The following PCSK5 variants were observed in gnomAD, a reference collection of about 807,000 sequenced individuals.
The protein encoded by PCSK5 is prohormone convertase 5.
In PCSK5, 129 loss-of-function variants were observed where a neutral mutation model predicts 233.2. The ratio of observed to expected loss-of-function variants is 0.55; its 90% CI spans 0.48 to 0.64. The LOEUF (loss-of-function observed/expected upper bound fraction) is 0.64. Ranked by LOEUF, PCSK5 falls within the 30% of genes least tolerant of loss-of-function variation. The pLI is 0.00. For missense variants in PCSK5, 2,076 were observed against 2,430.1 expected, an observed-to-expected ratio of 0.85 and a Z score of 3.06; for synonymous variants, 825 against 879.2, an observed-to-expected ratio of 0.94 and a Z score of 1.09.
chr9:76,163,613 C>T (rs566507968), intron 12 of PCSK5, among the ~76,000 whole-genome samples: 35 of 148,876 alleles, frequency 2.4e-4, no homozygotes, highest in Admixed American at 8.7e-4. Flanking sequence ...CCCTGCCTAA[C>T]AAAAAGGCAA....
chr9:76,197,916 G>T lies in PCSK5; in HGVS notation c.2626+8170G>T, dbSNP rs181806469. ...TCACACAGAATACTTTAGAGCCTTT[G>T]ACATATTTAGCAGGGCATAGCCAAG... On this transcript the variant is annotated intron_variant, in intron 20 of 37. Coordinates refer to ENST00000674117, the MANE Select transcript of PCSK5 (RefSeq NM_001372043.1). Among the ~76,000 whole-genome samples the T allele has an allele frequency of 2.4e-4, 36 of 152,334 alleles. 1 individual carries two copies. The East Asian group carries it at 6.7e-3, about 29-fold the overall frequency.
chr9:76,345,520 G>T (rs1031719609), intron 35 of PCSK5, among the ~76,000 whole-genome samples: 18 of 152,266 alleles, frequency 1.2e-4, no homozygotes, highest in African/African-American at 3.6e-4. Flanking sequence ...CCGGGTTCAC[G>T]CTATTCTCCT....
At position 76,332,322 on chromosome 9, in the gene PCSK5, A is replaced by T. The variant is rs1829559392; in HGVS notation, c.4571-111A>T. 8.5e-6 allele frequency: 6 copies of T among 704,886 alleles called. No homozygotes were observed. In the African/African-American group the frequency reaches 1.1e-4, roughly 12 times the overall value. The allele number at this position is 704,886 out of a possible 1,614,324, so 43.7% of individuals were successfully genotyped here. On this transcript the variant is annotated intron_variant, in intron 33 of 37. Transcript: ENST00000674117. ...ATCCATCAGCTCACAGGATCATCCCATTCCTCCTGCAGCCCTCTCCTCCCT... is the reference window on the plus strand; with the variant it reads ...ATCCATCAGCTCACAGGATCATCCCTTTCCTCCTGCAGCCCTCTCCTCCCT...
intron 20 of PCSK5, among the ~76,000 whole-genome samples, chr9:76,221,983 G>C (rs963757068): frequency 3.9e-5 from 6 of 152,176 alleles, no homozygotes; most frequent in Non-Finnish European, 8.8e-5. Context: ...GAGAGAATGG[G>C]ATAGAGAAGA....
At chr9:75,962,196 G>T (rs1399468100) in intron 2 of PCSK5, among the ~76,000 whole-genome samples, 3 of 152,164 alleles carry the variant, frequency 2.0e-5, no homozygotes, top group African/African-American at 7.2e-5. Context: ...GGATTGGGAG[G>T]AGCTGGGAAG....
intron 24 of PCSK5, among the ~76,000 whole-genome samples, chr9:76,278,497 C>T (rs146679430): frequency 1.3e-5 from 2 of 150,876 alleles, no homozygotes; most frequent in Non-Finnish European, 2.9e-5. Context: ...ATACATGACC[C>T]AAATGATGTC....
At chr9:76,054,190 T>A (rs1829740527) in intron 5 of PCSK5, among the ~76,000 whole-genome samples, 1 of 152,156 alleles carries the variant, frequency 6.6e-6, no homozygotes, top group Non-Finnish European at 1.5e-5. Flanking sequence ...CCTCCGAGGA[T>A]GCATGGGGAT....
intron 9 of PCSK5, among the ~76,000 whole-genome samples, chr9:76,108,547 G>A (rs1832074780): frequency 6.6e-6 from 1 of 152,212 alleles, no homozygotes; most frequent in Non-Finnish European, 1.5e-5. Context: ...GAGGTCAAGA[G>A]ATCGAGACTA....
chr9:75,891,921 G>C (rs1825624162), intron 1 of PCSK5, among the ~76,000 whole-genome samples: 2 of 152,108 alleles, frequency 1.3e-5, no homozygotes, highest in African/African-American at 4.8e-5. Context: ...AGCTGGAAGG[G>C]AGGAGAAAGG....
chr9:76,000,261 T>A (rs895442290), intron 3 of PCSK5, among the ~76,000 whole-genome samples: 1 of 152,346 alleles, frequency 6.6e-6, no homozygotes, highest in South Asian at 2.1e-4. Context: ...ATTTTGCAAG[T>A]TCTATCCCTG....
At chr9:76,313,738 G>A (rs185565692) in intron 30 of PCSK5, among the ~76,000 whole-genome samples, 182 of 152,216 alleles carry the variant, frequency 1.2e-3, no homozygotes, top group Non-Finnish European at 1.0e-4. Context: ...TTTTGACTTA[G>A]CATAATGTTT....
chr9:76,278,463 T>C (rs1214770247), intron 24 of PCSK5, among the ~76,000 whole-genome samples: 1 of 151,434 alleles, frequency 6.6e-6, no homozygotes, highest in Non-Finnish European at 1.5e-5. Flanking sequence ...TCATGGGAGA[T>C]CTGTGGGAGG....
chr9:76,285,364 C>T (rs4298543), intron 24 of PCSK5, among the ~76,000 whole-genome samples: 2 of 152,066 alleles, frequency 1.3e-5, no homozygotes, highest in African/African-American at 4.8e-5. Context: ...CAGATGTAGC[C>T]TAAGAGAGTC....
intron 20 of PCSK5, among the ~76,000 whole-genome samples, chr9:76,216,868 C>T (rs1051217748): frequency 3.9e-5 from 6 of 152,072 alleles, no homozygotes; most frequent in Admixed American, 6.5e-5. Flanking sequence ...TTTGAGATGG[C>T]GTCTCGCTGT....
intron 3 of PCSK5, among the ~76,000 whole-genome samples, chr9:76,018,277 A>T (rs1828035938): frequency 1.3e-5 from 2 of 152,316 alleles, no homozygotes; most frequent in Admixed American, 1.3e-4. Flanking sequence ...GAGTATTTAC[A>T]CTGTGGAAAT....
chr9:76,014,717 A>G (rs538524835), intron 3 of PCSK5, among the ~76,000 whole-genome samples: 51 of 152,278 alleles, frequency 3.3e-4, no homozygotes, highest in African/African-American at 1.2e-3. Flanking sequence ...GGTTAGTGGC[A>G]TATTAGAATA....
intron 16 of PCSK5, among the ~76,000 whole-genome samples, chr9:76,184,233 A>T (rs1296257562): frequency 6.6e-6 from 1 of 152,198 alleles, no homozygotes; most frequent in Non-Finnish European, 1.5e-5. Flanking sequence ...GACCAGTCCT[A>T]AAAGCTATGA....
rs765188142 is a variant in PCSK5, at chr9:76,359,317, G to C, written c.*395G>C. 5.9e-6 allele frequency: 1 copy of C among 170,396 alleles called. No homozygotes were observed. The highest frequency in any genetic ancestry group is 1.3e-5 in the Non-Finnish European group (1 of 78,634). 10.6% of individuals were successfully genotyped at this position (170,396 alleles called of 1,614,324 possible). A position where few individuals can be genotyped will look rare whatever the true frequency, so the allele number is the denominator to read the frequency against. ...ATTGTGGAGGTGTCTGCTGCCTCCT[G>C]GTATTCTAATTTTTCTTTATCTAAT... On this transcript the variant is annotated 3_prime_UTR_variant, in exon 38 of 38. Coordinates refer to ENST00000674117, the MANE Select transcript of PCSK5 (RefSeq NM_001372043.1).
At chr9:76,314,374 T>C (rs1272729222) in intron 30 of PCSK5, among the ~76,000 whole-genome samples, 3 of 143,984 alleles carry the variant, frequency 2.1e-5, no homozygotes, top group Non-Finnish European at 3.0e-5. Flanking sequence ...CTCATCTTTG[T>C]GTTTAAACAC....
Sources: allele counts gnomAD v4.1 joint callset (sites outside exome capture counted in the v4.1 genomes callset), GRCh38; gene constraint gnomAD v4.1.1; transcripts MANE v1.5; gene names NCBI Gene and HGNC (gene_info 2026-07-23, HGNC 2026-07-21).